Variants in FLT3 observed in about 807,000 individuals in gnomAD.
The protein encoded by FLT3 is receptor-type tyrosine-protein kinase FLT3.
Under a neutral mutation model 126.6 loss-of-function variants are expected in FLT3, and 46 were observed. That is an observed-to-expected ratio of 0.36 (90% CI 0.29 to 0.46). FLT3 has a LOEUF of 0.46. Ranked by LOEUF, FLT3 falls within the 20% of genes least tolerant of loss-of-function variation. The pLI, the probability that FLT3 is intolerant of heterozygous loss-of-function variation, is 1.00. For synonymous variants in FLT3, 404 were observed against 434.4 expected, an observed-to-expected ratio of 0.93 and a Z score of 0.87; for missense variants, 1,069 against 1,190.3, an observed-to-expected ratio of 0.90 and a Z score of 1.50.
intron 23 of FLT3, among the ~76,000 whole-genome samples, chr13:28,013,486 T>C (rs899498634): frequency 1.3e-5 from 2 of 152,206 alleles, no homozygotes; most frequent in Admixed American, 1.3e-4. Context: ...GGAGCCAAGA[T>C]CTGAACCTCA....
At chr13:28,069,854 C>G (rs1052710871) in intron 2 of FLT3, among the ~76,000 whole-genome samples, 1 of 152,120 alleles carries the variant, frequency 6.6e-6, no homozygotes, top group African/African-American at 2.4e-5. Flanking sequence ...TGGCTGAGGA[C>G]TGTAATCCCA....
chr13:28,006,222 G>A (rs1234932716), intron 23 of FLT3, among the ~76,000 whole-genome samples: 2 of 151,900 alleles, frequency 1.3e-5, no homozygotes, highest in Non-Finnish European at 2.9e-5. Context: ...CCTTGTTACT[G>A]TCTACTTCTT....
At chr13:28,076,029 T>C (rs1053998037) in intron 1 of FLT3, among the ~76,000 whole-genome samples, 2 of 152,110 alleles carry the variant, frequency 1.3e-5, no homozygotes, top group African/African-American at 4.8e-5. Flanking sequence ...ACTCCTGACT[T>C]CAAGTGATCT....
chr13:28,038,483 C>T (rs1331452453), intron 9 of FLT3, among the ~76,000 whole-genome samples: 2 of 150,206 alleles, frequency 1.3e-5, no homozygotes, highest in Non-Finnish European at 3.0e-5. Flanking sequence ...GACAGAGTCT[C>T]GCTCTGTCTC....
intron 23 of FLT3, among the ~76,000 whole-genome samples, 185 bp from the exon 24 acceptor site, chr13:28,004,359 G>A (rs1159430966): frequency 6.6e-6 from 1 of 152,158 alleles, no homozygotes; most frequent in African/African-American, 2.4e-5. Flanking sequence ...AGACTGGAGT[G>A]CAGTGGTACA....
At chr13:28,028,058 C>T (rs1056008991) in intron 16 of FLT3, 120 bp downstream of exon 16, 1 of 648,960 alleles carries the variant, frequency 1.5e-6, no homozygotes. Flanking sequence ...TGAGAGTTCA[C>T]ACTGTGACTG....
intron 1 of FLT3, among the ~76,000 whole-genome samples, chr13:28,083,142 C>T (rs142504787): frequency 4.6e-5 from 7 of 152,196 alleles, no homozygotes; most frequent in African/African-American, 7.2e-5. Context: ...CGTGCCCAGC[C>T]GAATCACTTC....
intron 1 of FLT3, among the ~76,000 whole-genome samples, chr13:28,075,490 C>T (rs958633512): frequency 5.3e-5 from 8 of 151,664 alleles, no homozygotes; most frequent in Admixed American, 1.3e-4. Flanking sequence ...TTTGGGAGGC[C>T]GAGGTGGGCA....
intron 8 of FLT3, 57 bp downstream of exon 8, chr13:28,049,327 T>C: frequency 6.7e-7 from 1 of 1,483,592 alleles, no homozygotes; most frequent in Non-Finnish European, 9.2e-7. Context: ...ATACTTCACA[T>C]TCCACACTAC....
chr13:28,048,394 G>A lies in FLT3; in HGVS notation c.1086C>T (p.Asp362=). 4 of 1,610,832 alleles carry A rather than the reference G, an allele frequency of 2.5e-6. No homozygotes were observed. Among genetic ancestry groups the A allele is most frequent in the Non-Finnish European group, 3.4e-6 (4 of 1,177,112 alleles). Residue 362 remains aspartate (D), a synonymous_variant, in exon 9 of 24, where the codon GAC becomes GAT. Coordinates refer to ENST00000241453, the MANE Select transcript of FLT3 (RefSeq NM_004119.3). ...CAGAAAAACAAAACTCTTCATATTGGTCAATTTCATAATCTTCACTTGAAT... is the reference window on the plus strand; with the variant it reads ...CAGAAAAACAAAACTCTTCATATTGATCAATTTCATAATCTTCACTTGAAT... The part of the protein sequence containing the change: ...ATNSSEDYEI[D]QYEEFCFSVR...
chr13:28,015,531 C>T (rs550335953), intron 21 of FLT3, 59 bp downstream of exon 21: 27 of 943,924 alleles, frequency 2.9e-5, no homozygotes, highest in Non-Finnish European at 3.9e-5. Context: ...GGGGCGGCAC[C>T]GAGAGAGCAG....
chr13:28,005,553 G>A (rs1870809125), intron 23 of FLT3, among the ~76,000 whole-genome samples: 1 of 151,854 alleles, frequency 6.6e-6, no homozygotes. Context: ...CGGCAGCCTA[G>A]AGTTCCATAG....
chr13:28,056,309 G>A (rs998732534), intron 4 of FLT3, among the ~76,000 whole-genome samples: 2 of 152,126 alleles, frequency 1.3e-5, no homozygotes, highest in Admixed American at 1.3e-4. Context: ...TTCAGCAAAG[G>A]GCAGTTGTGG....
intron 19 of FLT3, among the ~76,000 whole-genome samples, chr13:28,021,408 C>T (rs1265295877): frequency 6.6e-6 from 1 of 151,880 alleles, no homozygotes; most frequent in Non-Finnish European, 1.5e-5. Flanking sequence ...AAACAAAATG[C>T]TTGTGAAAGC....
rs12427653 is a variant in FLT3, at chr13:28,028,467, T to C, written c.1943-179A>G. Among the ~76,000 whole-genome samples the C allele has an allele frequency of 0.17, 25,253 of 151,826 alleles. 2,304 individuals carry two copies. The highest frequency in any genetic ancestry group is 0.23 in the Admixed American group (3,557 of 15,244). ...ATCCCAGCACTTTGGGAGGCCGAGG[T>C]GGGTGGATCACTTGAGGTCAGAAGT... On this transcript the variant is annotated intron_variant, in intron 15 of 23. Coordinates refer to ENST00000241453, the MANE Select transcript of FLT3 (RefSeq NM_004119.3).
intron 15 of FLT3, among the ~76,000 whole-genome samples, chr13:28,032,684 A>C (rs1873453216): frequency 6.6e-6 from 1 of 152,142 alleles, no homozygotes; most frequent in Non-Finnish European, 1.5e-5. Flanking sequence ...AATCAGCCAC[A>C]ACAACAAAAG....
chr13:28,080,245 G>A (rs534175853), intron 1 of FLT3, among the ~76,000 whole-genome samples: 15 of 152,274 alleles, frequency 9.9e-5, no homozygotes, highest in Non-Finnish European at 1.6e-4. Context: ...GCGCCATGGC[G>A]CATTCCTGTA....
chr13:28,045,622 G>A (rs2137714958), intron 9 of FLT3, among the ~76,000 whole-genome samples: 2 of 152,308 alleles, frequency 1.3e-5, no homozygotes, highest in Middle Eastern at 6.8e-3. Flanking sequence ...CACTTTGGGA[G>A]GCTGAGGCGG....
chr13:28,029,863 G>A (rs1300650300), intron 15 of FLT3, among the ~76,000 whole-genome samples: 1 of 152,202 alleles, frequency 6.6e-6, no homozygotes. Flanking sequence ...TCAGCAAACT[G>A]TACTTATAAG....
Sources: allele counts gnomAD v4.1 joint callset (sites outside exome capture counted in the v4.1 genomes callset), GRCh38; gene constraint gnomAD v4.1.1; transcripts MANE v1.5; gene names NCBI Gene and HGNC (gene_info 2026-07-23, HGNC 2026-07-21).